The following PAM16 variants were observed in gnomAD, a reference collection of about 807,000 sequenced individuals.
The protein encoded by PAM16 is mitochondrial import inner membrane translocase subunit TIM16.
PAM16 carries 11 observed loss-of-function variants against 17.9 expected under a neutral mutation model. The ratio of observed to expected loss-of-function variants is 0.62; its 90% CI spans 0.39 to 1.02. The LOEUF (loss-of-function observed/expected upper bound fraction) is 1.02, where lower values mean the gene tolerates loss of function less well. Ranked by LOEUF, PAM16 falls within the 50% of genes least tolerant of loss-of-function variation. The probability of loss-of-function intolerance (pLI) is 0.01; values close to 1 mark genes in which losing one functional copy is unlikely to be tolerated. For missense variants in PAM16, 199 were observed against 165.4 expected, an observed-to-expected ratio of 1.20 and a Z score of -1.11; for synonymous variants, 72 against 67.4, an observed-to-expected ratio of 1.07 and a Z score of -0.34.
intron 3 of PAM16, 55 bp from the exon 4 acceptor site, chr16:4,341,040 G>C (rs147028858): frequency 6.2e-7 from 1 of 1,607,456 alleles, no homozygotes; most frequent in Non-Finnish European, 8.5e-7. Flanking sequence ...AAGAGATGTT[G>C]GGCAGGCTAT....
intron 1 of PAM16, among the ~76,000 whole-genome samples, chr16:4,349,889 C>T (rs1207885485): frequency 3.9e-5 from 6 of 152,174 alleles, no homozygotes; most frequent in Admixed American, 2.0e-4. Context: ...GGTTCCTTAT[C>T]TGTAAAATAA....
At position 4,340,381 on chromosome 16, in the gene PAM16, C is replaced by A. The variant is rs186598004; in HGVS notation, c.316G>T (p.Asp106Tyr). ...SKVVRAKERL[D>Y]EELKIQAQED... is the part of the protein sequence containing the mutation. ...TGGGCCTGGATTTTGAGTTCCTCATCCAGGCGCTCCTTTGCGCGGACCACC... is the reference window on the plus strand; with the variant it reads ...TGGGCCTGGATTTTGAGTTCCTCATACAGGCGCTCCTTTGCGCGGACCACC... The change falls in exon 5 of 5, where the codon GAT becomes TAT. Residue 106 changes from aspartate (D) to tyrosine (Y), a missense_variant. Physicochemically the swap from Asp to Tyr is radical, Grantham distance 160. Transcript: ENST00000318059. 2 of 1,612,786 alleles carry A rather than the reference C, an allele frequency of 1.2e-6. No homozygotes were observed. The highest frequency in any genetic ancestry group is 2.7e-5 in the African/African-American group (2 of 75,076).
At chr16:4,348,019 A>G (rs961495363) in intron 1 of PAM16, 12 of 152,340 alleles carry the variant, frequency 7.9e-5, no homozygotes, top group African/African-American at 2.9e-4. Context: ...TTCGCGTGCA[A>G]TGCGCCTTTG....
intron 2 of PAM16, among the ~76,000 whole-genome samples, chr16:4,342,734 G>A (rs1377065894): frequency 2.0e-5 from 3 of 151,418 alleles, no homozygotes; most frequent in African/African-American, 2.4e-5. Flanking sequence ...TGAGGCAGGC[G>A]GATCACCTGA....
In PAM16 at chr16:4,343,567, A is replaced by G. The variant is rs1370361077; in HGVS notation, c.4-276T>C. ...TCATCCTTCAGGAAAGGCGTAGAGG[A>G]GCAAGGCAAAGTGGCTGCAACCACC... On this transcript the variant is annotated intron_variant, in intron 1 of 4. Transcript: ENST00000318059. 6 of 1,393,196 alleles carry G rather than the reference A, an allele frequency of 4.3e-6. No homozygotes were observed. In the Admixed American group the frequency reaches 9.8e-5, roughly 23 times the overall value. The allele number at this position is 1,393,196 out of a possible 1,614,324, so 86.3% of individuals were successfully genotyped here.
intron 4 of PAM16, 74 bp from the exon 5 acceptor site, chr16:4,340,479 A>G: frequency 6.6e-7 from 1 of 1,513,534 alleles, no homozygotes; most frequent in Non-Finnish European, 9.0e-7. Flanking sequence ...GGGATGGCCT[A>G]TTCCCATCAG....
intron 1 of PAM16, chr16:4,348,152 A>C (rs577310024): frequency 1.3e-5 from 2 of 152,414 alleles, no homozygotes; most frequent in African/African-American, 4.8e-5. Context: ...GAGAAAGGTC[A>C]GGACCACAAC....
chr16:4,343,325 ACTCC>A, intron 1 of PAM16, 34 bp from the exon 2 acceptor site: 1 of 1,571,702 alleles, frequency 6.4e-7, no homozygotes, highest in Admixed American at 1.9e-5. Context: ...TTAGCAGGCC[ACTCC>A]CTGTGGGCCC....
In PAM16 at chr16:4,340,348, T is replaced by C. The variant is rs1219369553; in HGVS notation, c.349A>G (p.Arg117Gly). ...GTATGGGGCATCTGCCCTTTTTCTC[T>C]GTCCTCCTGGGCCTGGATTTTGAGT... ...EELKIQAQED[R>G]EKGQMPHT Residue 117 changes from arginine to glycine, a missense_variant, in exon 5 of 5, where the codon AGA becomes GGA. Coordinates refer to ENST00000318059, the MANE Select transcript of PAM16 (RefSeq NM_016069.11). 1.2e-6 allele frequency: 2 copies of C among 1,613,060 alleles called. No homozygotes were observed. The highest frequency in any genetic ancestry group is 1.7e-6 in the Non-Finnish European group (2 of 1,179,890).
At chr16:4,341,741 C>T (rs2053651311) in intron 2 of PAM16, 2 of 633,184 alleles carry the variant, frequency 3.2e-6, no homozygotes, top group Non-Finnish European at 5.3e-6. Context: ...ATCCTGGCTC[C>T]TGGTCCCCAA....
At position 4,340,947 on chromosome 16, in the gene PAM16, C is replaced by T. The variant is rs2053634973; in HGVS notation, c.264G>A (p.Val88=). ...EHLFKVNDKS[V]GGSFYLQSKV... is the part of the protein sequence containing the mutation. ...TTGACTGCAGGTAGAAGGAGCCACC[C>T]ACGGATTTATCATTCACCTTAAATA... Residue 88 remains valine (V), a synonymous_variant, in exon 4 of 5, where the codon GTG becomes GTA. Transcript: ENST00000318059. 6.2e-7 allele frequency: 1 copy of T among 1,613,590 alleles called. No homozygotes were observed. The highest frequency in any genetic ancestry group is 1.1e-5 in the South Asian group (1 of 91,088).
At chr16:4,342,367 C>G (rs1596248809) in intron 2 of PAM16, among the ~76,000 whole-genome samples, 1 of 143,064 alleles carries the variant, frequency 7.0e-6, no homozygotes, top group Non-Finnish European at 1.5e-5. Flanking sequence ...CAAAAGAAAA[C>G]AAAAGGGCTG....
intron 1 of PAM16, among the ~76,000 whole-genome samples, chr16:4,350,609 G>T (rs1186420700): frequency 6.6e-6 from 1 of 151,958 alleles, no homozygotes; most frequent in African/African-American, 2.4e-5. Flanking sequence ...CATCATGTTG[G>T]CCAGGCTGGT....
At position 4,341,320 on chromosome 16, in the gene PAM16, C is replaced by T. The variant is rs374434190; in HGVS notation, c.225+48G>A. 9 of 1,539,978 alleles carry T rather than the reference C, an allele frequency of 5.8e-6. No individual in the cohort carries two copies. The African/African-American group carries it at 1.2e-4, about 21-fold the overall frequency. Reference sequence around the variant, plus strand: ...CCAGGCCTCCCTTCACTCTTCCCACCCTGGCAGCCTCTCCCTCTCAAACTT... The same window carrying T: ...CCAGGCCTCCCTTCACTCTTCCCACTCTGGCAGCCTCTCCCTCTCAAACTT... On this transcript the variant is annotated intron_variant, in intron 3 of 4. Coordinates refer to ENST00000318059, the MANE Select transcript of PAM16 (RefSeq NM_016069.11).
At chr16:4,340,876 G>T in intron 4 of PAM16, 44 bp downstream of exon 4, 1 of 1,609,584 alleles carries the variant, frequency 6.2e-7, no homozygotes. Context: ...GTGAGAAGAA[G>T]GGGTCCCATG....
At chr16:4,350,770 G>A (rs2053839936) in intron 1 of PAM16, among the ~76,000 whole-genome samples, 1 of 152,174 alleles carries the variant, frequency 6.6e-6, no homozygotes, top group African/African-American at 2.4e-5. Flanking sequence ...GGCTCTACGT[G>A]CCAACGATAT....
Position 4,341,350 on chromosome 16 carries a change from G to A in PAM16, c.225+18C>T, listed in dbSNP as rs779974327. The A allele has an allele frequency of 1.9e-6, 3 of 1,560,296 alleles. No homozygotes were observed. Among genetic ancestry groups the A allele is most frequent in the East Asian group, 4.8e-5 (2 of 42,064 alleles). On this transcript the variant is annotated intron_variant, in intron 3 of 4. Transcript: ENST00000318059. ...CAGCCTCTCCCTCTCAAACTTTGGG[G>A]TGGCCCAGTGGCCTCACCTTCTGGA... is the stretch of plus-strand genomic sequence containing the variant.
chr16:4,349,139 T>G (rs897591521), intron 1 of PAM16, among the ~76,000 whole-genome samples: 2 of 151,866 alleles, frequency 1.3e-5, no homozygotes, highest in African/African-American at 4.8e-5. Flanking sequence ...GTATTTTTAG[T>G]AGAGACGGGG....
chr16:4,350,316 A>C (rs1283734136), intron 1 of PAM16, among the ~76,000 whole-genome samples: 3 of 149,966 alleles, frequency 2.0e-5, no homozygotes, highest in Admixed American at 1.3e-4. Flanking sequence ...GTGTGTATAT[A>C]TATATATAAA....
Sources: gnomAD v4.1 joint callset for allele counts (sites outside exome capture counted in the v4.1 genomes callset) on GRCh38, gnomAD v4.1.1 for gene constraint, MANE v1.5 for transcripts, NCBI Gene and HGNC (gene_info 2026-07-23, HGNC 2026-07-21) for gene names.